TENM3: variants seen among roughly 807,000 people sequenced by gnomAD.
The protein encoded by TENM3 is teneurin transmembrane protein 3.
TENM3 carries 63 observed loss-of-function variants against 255.1 expected under a neutral mutation model. The ratio of observed to expected loss-of-function variants is 0.25; its 90% CI spans 0.20 to 0.30. The LOEUF (loss-of-function observed/expected upper bound fraction) is 0.30, where lower values mean the gene tolerates loss of function less well. TENM3 is among the 10% of genes least tolerant of loss of function. TENM3 has a pLI of 1.00. For synonymous variants in TENM3, 1,306 were observed against 1,322.3 expected (o/e 0.99, Z 0.27); for missense variants, 2,929 against 3,461.1 (o/e 0.85, Z 3.86).
intron 1 of TENM3, among the ~76,000 whole-genome samples, chr4:182,207,794 T>C (rs1488940942): frequency 2.6e-5 from 4 of 152,240 alleles, no homozygotes; most frequent in African/African-American, 7.2e-5. Flanking sequence ...AGGAATTTAT[T>C]ATTGTCATCA....
At chr4:181,946,945 CT>C in the TENM3 span, among the ~76,000 whole-genome samples, 6 of 152,298 alleles carry the variant, frequency 3.9e-5, no homozygotes, top group South Asian at 1.2e-3. Flanking sequence ...GTAATAAGCA[CT>C]ATGGTTACAT....
At chr4:182,621,097 C>G (rs550466352) in intron 4 of TENM3, among the ~76,000 whole-genome samples, 2 of 151,794 alleles carry the variant, frequency 1.3e-5, no homozygotes, top group Admixed American at 1.3e-4. Flanking sequence ...AGGAGAATGG[C>G]GTGAACTCAG....
the TENM3 span, among the ~76,000 whole-genome samples, chr4:182,084,200 A>C: frequency 6.6e-6 from 1 of 152,116 alleles, no homozygotes; most frequent in Non-Finnish European, 1.5e-5. Flanking sequence ...GCTGGGGGGA[A>C]AAAATAAGCT....
intron 3 of TENM3, among the ~76,000 whole-genome samples, chr4:182,527,884 C>T (rs1052338487): frequency 1.2e-4 from 18 of 151,978 alleles, no homozygotes; most frequent in East Asian, 5.8e-4. Flanking sequence ...CATGCTGCCA[C>T]GCCCGGCTAA....
the TENM3 span, among the ~76,000 whole-genome samples, chr4:182,021,882 C>CA: frequency 6.6e-6 from 1 of 151,964 alleles, no homozygotes; most frequent in African/African-American, 2.4e-5. Context: ...TATTAAAAGT[C>CA]AAAAAATAAC....
chr4:181,591,538 C>T, the TENM3 span, among the ~76,000 whole-genome samples: 1 of 152,162 alleles, frequency 6.6e-6, no homozygotes, highest in African/African-American at 2.4e-5. Flanking sequence ...GCAGGGGTCT[C>T]CAACACCCAA....
intron 1 of TENM3, chr4:182,144,798 G>T (rs1749805374): frequency 6.6e-6 from 1 of 150,428 alleles, no homozygotes; most frequent in South Asian, 2.1e-4. Flanking sequence ...TCCTTTATGG[G>T]GTCCTAGTGC....
At chr4:182,707,491 AAGG>A (rs1390141037) in intron 12 of TENM3, among the ~76,000 whole-genome samples, 5 of 152,186 alleles carry the variant, frequency 3.3e-5, no homozygotes, top group Non-Finnish European at 7.3e-5. Flanking sequence ...CCAAAATACA[AAGG>A]AGGAAATATG....
chr4:182,144,202 GCACACACACA>G (rs3833623), upstream of TENM3: 13 of 148,520 alleles, frequency 8.8e-5, no homozygotes, highest in East Asian at 2.1e-4. Flanking sequence ...GCACACTCCC[GCACACACACA>G]CACACACACA....
chr4:182,660,278 A>G (rs574965028), intron 6 of TENM3, among the ~76,000 whole-genome samples: 3 of 152,210 alleles, frequency 2.0e-5, no homozygotes, highest in Admixed American at 6.5e-5. Flanking sequence ...TGAATGAGTG[A>G]AAATAATACA....
intron 3 of TENM3, among the ~76,000 whole-genome samples, chr4:182,534,456 A>G (rs1740087699): frequency 6.6e-6 from 1 of 152,214 alleles, no homozygotes; most frequent in African/African-American, 2.4e-5. Flanking sequence ...GTAGAGAGAC[A>G]TCAGGTTAGG....
At chr4:182,119,545 C>T in the TENM3 span, among the ~76,000 whole-genome samples, 1 of 152,128 alleles carries the variant, frequency 6.6e-6, no homozygotes, top group Non-Finnish European at 1.5e-5. Flanking sequence ...CCATTTATCT[C>T]TCCAAATTTG....
At chr4:182,347,255 C>A (rs1764888718) in intron 3 of TENM3, among the ~76,000 whole-genome samples, 1 of 152,134 alleles carries the variant, frequency 6.6e-6, no homozygotes, top group Non-Finnish European at 1.5e-5. Context: ...GACCATGTCA[C>A]CTGTTGTCTT....
At chr4:182,571,043 C>T (rs914510081) in intron 3 of TENM3, among the ~76,000 whole-genome samples, 5 of 152,066 alleles carry the variant, frequency 3.3e-5, no homozygotes, top group Admixed American at 1.3e-4. Flanking sequence ...TAACTAAATG[C>T]TAGATTACAG....
At chr4:182,444,803 T>C (rs1772777855) in intron 3 of TENM3, among the ~76,000 whole-genome samples, 1 of 152,196 alleles carries the variant, frequency 6.6e-6, no homozygotes, top group African/African-American at 2.4e-5. Context: ...CAGCTTTCTT[T>C]TTTGTTGCGA....
chr4:181,981,128 T>C, the TENM3 span, among the ~76,000 whole-genome samples: 2 of 152,184 alleles, frequency 1.3e-5, no homozygotes, highest in East Asian at 3.8e-4. Context: ...TTCCCTCTCC[T>C]CTGCCTGTCC....
chr4:181,786,210 C>T, the TENM3 span, among the ~76,000 whole-genome samples: 2 of 152,174 alleles, frequency 1.3e-5, no homozygotes, highest in African/African-American at 2.4e-5. Flanking sequence ...AAATGTGACA[C>T]TCTTTGTACC....
the TENM3 span, among the ~76,000 whole-genome samples, chr4:181,982,561 G>A: frequency 1.3e-5 from 2 of 152,050 alleles, no homozygotes; most frequent in African/African-American, 4.8e-5. Context: ...AGTCCCTGGA[G>A]CACCATTAAG....
At chr4:181,542,506 G>T in the TENM3 span, among the ~76,000 whole-genome samples, 1 of 152,180 alleles carries the variant, frequency 6.6e-6, no homozygotes, top group African/African-American at 2.4e-5. Flanking sequence ...TGTTAATATT[G>T]CAGTTGCTCT....
Sources: allele counts gnomAD v4.1 joint callset (sites outside exome capture counted in the v4.1 genomes callset), GRCh38; gene constraint gnomAD v4.1.1; transcripts MANE v1.5; gene names NCBI Gene and HGNC (gene_info 2026-07-23, HGNC 2026-07-21).